TMEM132C: variants seen among roughly 807,000 people sequenced by gnomAD.
The protein encoded by TMEM132C is protein phosphatase 1, regulatory subunit 152.
A neutral mutation model predicts 61.4 loss-of-function variants in TMEM132C; 29 were observed. That is an observed-to-expected ratio of 0.47 (90% CI 0.35 to 0.64). TMEM132C has a LOEUF of 0.64. Ranked by LOEUF, TMEM132C falls within the 30% of genes least tolerant of loss-of-function variation. The pLI, the probability that TMEM132C is intolerant of heterozygous loss-of-function variation, is 0.00. For missense variants in TMEM132C, 1,408 were observed against 1,476.9 expected (o/e 0.95, Z 0.76); for synonymous variants, 656 against 633.1 (o/e 1.04, Z -0.54).
chr12:128,554,000 C>G (rs1167473171), intron 3 of TMEM132C, among the ~76,000 whole-genome samples: 2 of 152,210 alleles, frequency 1.3e-5, no homozygotes, highest in Non-Finnish European at 2.9e-5. Context: ...GAGACTTTCA[C>G]TTTAACCTCA....
intron 4 of TMEM132C, among the ~76,000 whole-genome samples, chr12:128,617,477 C>T (rs1419481964): frequency 6.6e-6 from 1 of 152,184 alleles, no homozygotes; most frequent in African/African-American, 2.4e-5. Context: ...ATGTGTTGCT[C>T]TGATTGGCCA....
intron 2 of TMEM132C, among the ~76,000 whole-genome samples, chr12:128,527,639 C>T (rs1329381243): frequency 6.6e-6 from 1 of 152,036 alleles, no homozygotes; most frequent in Admixed American, 6.6e-5. Flanking sequence ...AAAGAGAAGT[C>T]TGGTTCCCAT....
intron 2 of TMEM132C, among the ~76,000 whole-genome samples, chr12:128,447,821 G>C (rs1870040877): frequency 9.2e-6 from 1 of 108,320 alleles, no homozygotes; most frequent in Non-Finnish European, 1.8e-5. Context: ...CCGCCTCCCG[G>C]GTTCACGCCA....
At chr12:128,483,947 T>C (rs1482180949) in intron 2 of TMEM132C, among the ~76,000 whole-genome samples, 2 of 152,260 alleles carry the variant, frequency 1.3e-5, no homozygotes, top group Non-Finnish European at 2.9e-5. Context: ...CTGTGATCTA[T>C]GCTCTTGAGT....
chr12:128,374,149 C>G (rs1429696733), intron 1 of TMEM132C, among the ~76,000 whole-genome samples: 1 of 152,106 alleles, frequency 6.6e-6, no homozygotes, highest in Non-Finnish European at 1.5e-5. Flanking sequence ...AGGGGCTCAG[C>G]ATGTGGGAAT....
rs553122967 is a variant in TMEM132C, at chr12:128,694,240, G to A, written c.1655+206G>A. 4.5e-4 allele frequency among the ~76,000 whole-genome samples: 68 copies of A among 152,268 alleles called. 1 individual carries two copies. Among genetic ancestry groups the A allele is most frequent in the African/African-American group, 1.5e-3 (64 of 41,532 alleles). On this transcript the variant is annotated intron_variant, in intron 6 of 8. Coordinates refer to ENST00000435159, the MANE Select transcript of TMEM132C (RefSeq NM_001136103.3). ...CAGGTTGTCCGCACTCTACACTGGG[G>A]CTTATATGAGGCTGTCTCTTGAAAG...
intron 2 of TMEM132C, among the ~76,000 whole-genome samples, chr12:128,517,843 T>C (rs1426505241): frequency 6.6e-6 from 1 of 152,176 alleles, no homozygotes; most frequent in Admixed American, 6.5e-5. Context: ...CTGCTCTTCA[T>C]GGGATTGAGC....
chr12:128,622,356 AAAAAATAT>A (rs1389444353), intron 4 of TMEM132C, among the ~76,000 whole-genome samples: 5 of 59,204 alleles, frequency 8.4e-5, no homozygotes, highest in African/African-American at 3.4e-4. Context: ...AAAAAAAAAA[AAAAAATAT>A]ATATATATAT....
chr12:128,314,129 G>A (rs930678140), intron 1 of TMEM132C, among the ~76,000 whole-genome samples: 2 of 152,184 alleles, frequency 1.3e-5, no homozygotes, highest in East Asian at 1.9e-4. Flanking sequence ...AGAGTCTCTC[G>A]GAGATCAAAG....
At chr12:128,514,091 C>T (rs1352486108) in intron 2 of TMEM132C, among the ~76,000 whole-genome samples, 1 of 152,208 alleles carries the variant, frequency 6.6e-6, no homozygotes, top group Non-Finnish European at 1.5e-5. Flanking sequence ...TCCAGCTCCC[C>T]GAGGAATCAA....
intron 2 of TMEM132C, among the ~76,000 whole-genome samples, chr12:128,461,691 G>A (rs937793632): frequency 6.6e-6 from 1 of 152,150 alleles, no homozygotes; most frequent in African/African-American, 2.4e-5. Context: ...TCATAGGCCT[G>A]TGCCCACCCA....
At chr12:128,656,833 GA>G (rs776370044) in intron 4 of TMEM132C, among the ~76,000 whole-genome samples, 1 of 151,980 alleles carries the variant, frequency 6.6e-6, no homozygotes, top group Non-Finnish European at 1.5e-5. Flanking sequence ...AGTAACTGAA[GA>G]AAAAAAGAGA....
intron 4 of TMEM132C, among the ~76,000 whole-genome samples, chr12:128,639,010 ATGGTGG>A (rs1319972517): frequency 1.3e-5 from 1 of 78,416 alleles, no homozygotes; most frequent in Non-Finnish European, 2.7e-5. Context: ...GGTGATGATG[ATGGTGG>A]TGATGGTGAT....
intron 3 of TMEM132C, among the ~76,000 whole-genome samples, chr12:128,564,785 G>T (rs1183799095): frequency 2.0e-5 from 3 of 152,158 alleles, no homozygotes; most frequent in Admixed American, 6.5e-5. Flanking sequence ...AGTGCCACAT[G>T]CTTGGCCCAA....
intron 3 of TMEM132C, among the ~76,000 whole-genome samples, chr12:128,584,246 CT>C (rs1193946320): frequency 6.6e-6 from 1 of 152,164 alleles, no homozygotes; most frequent in Non-Finnish European, 1.5e-5. Flanking sequence ...GAAATAGTTC[CT>C]TGGAAGCAGG....
In TMEM132C at chr12:128,447,830, C is replaced by T. The variant is rs1870041551; in HGVS notation, c.974+32210C>T. On this transcript the variant is annotated intron_variant, in intron 2 of 8. Coordinates refer to ENST00000435159, the MANE Select transcript of TMEM132C (RefSeq NM_001136103.3). ...CAAGCTCCGCCTCCCGGGTTCACGCCATTCTCCTGCCTCAGCCTCCAGAGT... is the reference window on the plus strand; with the variant it reads ...CAAGCTCCGCCTCCCGGGTTCACGCTATTCTCCTGCCTCAGCCTCCAGAGT... Among the ~76,000 whole-genome samples, 2 of 129,174 alleles carry T rather than the reference C, an allele frequency of 1.5e-5. 1 individual carries two copies. The highest frequency in any genetic ancestry group is 4.8e-4 in the South Asian group (2 of 4,210). The allele number at this position is 129,174 out of a possible 152,430, so 84.7% of individuals were successfully genotyped here. A position where few individuals can be genotyped will look rare whatever the true frequency, so the allele number is the denominator to read the frequency against.
At chr12:128,422,683 C>G (rs1869029847) in intron 2 of TMEM132C, among the ~76,000 whole-genome samples, 1 of 152,186 alleles carries the variant, frequency 6.6e-6, no homozygotes, top group African/African-American at 2.4e-5. Context: ...ACTGGCTTCT[C>G]AATCTCAATA....
chr12:128,437,742 T>G (rs1869649518), intron 2 of TMEM132C: 2 of 152,236 alleles, frequency 1.3e-5, no homozygotes, highest in African/African-American at 4.8e-5. Flanking sequence ...TGATCTTATT[T>G]ATTTGTTTCC....
At chr12:128,534,573 G>T (rs998620882) in intron 2 of TMEM132C, among the ~76,000 whole-genome samples, 12 of 152,198 alleles carry the variant, frequency 7.9e-5, no homozygotes, top group Non-Finnish European at 1.6e-4. Flanking sequence ...GGCTGAGCGG[G>T]GTTGGCCTCA....
Sources: gnomAD v4.1 joint callset for allele counts (sites outside exome capture counted in the v4.1 genomes callset) on GRCh38, gnomAD v4.1.1 for gene constraint, MANE v1.5 for transcripts, NCBI Gene and HGNC (gene_info 2026-07-23, HGNC 2026-07-21) for gene names.